The following CHRND variants were observed in gnomAD, a reference collection of about 807,000 sequenced individuals.
CHRND encodes cholinergic receptor nicotinic delta subunit.
CHRND carries 40 observed loss-of-function variants against 57.8 expected under a neutral mutation model. The observed-to-expected ratio is 0.69, with a 90% CI of 0.54 to 0.90. The LOEUF is 0.90. CHRND is among the 40% of genes least tolerant of loss of function. The pLI is 0.00. For synonymous variants in CHRND, 237 were observed against 270.6 expected, an observed-to-expected ratio of 0.88 and a Z score of 1.22; for missense variants, 634 against 673.9, an observed-to-expected ratio of 0.94 and a Z score of 0.66.
chr2:232,528,165 C>A, intron 3 of CHRND, 97 bp from the exon 4 acceptor site: 2 of 1,158,842 alleles, frequency 1.7e-6, no homozygotes, highest in Non-Finnish European at 2.6e-6. Context: ...TTTGTCACAG[C>A]TCTCAGACCC....
rs4973046 is a variant in CHRND at position 232,535,736 on chromosome 2, C to G, written c.*424C>G. On this transcript the variant is annotated 3_prime_UTR_variant, in exon 12 of 12. Coordinates refer to ENST00000258385, the MANE Select transcript of CHRND (RefSeq NM_000751.3). ...TCCAGCCTCCCTCTTCCTACCTACC[C>G]TTCAACCTCAGGCTTCTGAGGCCTC... The G allele has an allele frequency of 6.6e-6, 3 of 457,980 alleles. No homozygotes were observed. The highest frequency in any genetic ancestry group is 8.7e-6 in the Non-Finnish European group (2 of 229,558). 28.4% of individuals were successfully genotyped at this position (457,980 alleles called of 1,614,324 possible). A position where few individuals can be genotyped will look rare whatever the true frequency, so the allele number is the denominator to read the frequency against.
Position 232,535,981 on chromosome 2 carries a change from C to T in CHRND, c.*669C>T. ...AGCACCTCTCCCCAAAGGGTCCCTG[C>T]CCCCCAGCACCTACTCCTCTCCAAA... On this transcript the variant is annotated 3_prime_UTR_variant, in exon 12 of 12. Transcript: ENST00000258385. The T allele has an allele frequency of 4.4e-6, 2 of 454,110 alleles. No homozygotes were observed. Among genetic ancestry groups the T allele is most frequent in the South Asian group, 1.6e-5 (1 of 64,480 alleles). 28.1% of individuals were successfully genotyped at this position (454,110 alleles called of 1,614,324 possible).
rs751557545 is a variant in CHRND at position 232,526,195 on chromosome 2, C to T, written c.-21C>T. 28 of 1,612,222 alleles carry T rather than the reference C, an allele frequency of 1.7e-5. No homozygotes were observed. The highest frequency in any genetic ancestry group is 2.7e-5 in the African/African-American group (2 of 74,862). Reference sequence around the variant, plus strand: ...CCTGTAGACAGGAGGGGCAGATGCACGTCCCAGTCAGAGGGATGGGATGGA... The same window carrying T: ...CCTGTAGACAGGAGGGGCAGATGCATGTCCCAGTCAGAGGGATGGGATGGA... On this transcript the variant is annotated 5_prime_UTR_variant, in exon 1 of 12. It adds an upstream start codon to the 5' untranslated region. Coordinates refer to ENST00000258385, the MANE Select transcript of CHRND (RefSeq NM_000751.3).
Position 232,535,919 on chromosome 2 carries a change from C to A in CHRND, c.*607C>A. On this transcript the variant is annotated 3_prime_UTR_variant, in exon 12 of 12. Transcript: ENST00000258385. ...ACATCCACAAAGACTTGGGGTCAGCCTGAGGTTGCACACACAATCCTAGAG... is the reference window on the plus strand; with the variant it reads ...ACATCCACAAAGACTTGGGGTCAGCATGAGGTTGCACACACAATCCTAGAG... The A allele has an allele frequency of 2.2e-6, 1 of 454,132 alleles. No individual in the cohort carries two copies. Among genetic ancestry groups the A allele is most frequent in the South Asian group, 1.6e-5 (1 of 64,484 alleles). The allele number at this position is 454,132 out of a possible 1,614,324, so 28.1% of individuals were successfully genotyped here.
At position 232,531,586 on chromosome 2, in the gene CHRND, T is replaced by G; in HGVS notation, c.977T>G (p.Ile326Ser). The G allele has an allele frequency of 2.5e-6, 4 of 1,614,044 alleles. No homozygotes were observed. The highest frequency in any genetic ancestry group is 3.4e-6 in the Non-Finnish European group (4 of 1,180,028). ...GTGCTGGTCACCATGGTTGTGGTGA[T>G]CTGTGTCATCGTGCTCAACATCCAC... Reference protein sequence around the residue: ...GMVLVTMVVVICVIVLNIHFR... With the variant: ...GMVLVTMVVVSCVIVLNIHFR... Residue 326 changes from isoleucine (I) to serine (S), a missense_variant, in exon 9 of 12, where the codon ATC becomes AGC. Physicochemically the swap from Ile to Ser is moderately radical, Grantham distance 142. Transcript: ENST00000258385.
rs2106211583 is a variant in CHRND at position 232,531,563 on chromosome 2, G to C, written c.954G>C (p.Val318=). Residue 318 remains valine, a synonymous_variant, in exon 9 of 12, where the codon GTG becomes GTC. Transcript: ENST00000258385. ...LIGKFLLFGM[V]LVTMVVVICV... ...ACAGGTTCCTGCTCTTCGGCATGGT[G>C]CTGGTCACCATGGTTGTGGTGATCT... 6.2e-7 allele frequency: 1 copy of C among 1,614,138 alleles called. No homozygotes were observed. Among genetic ancestry groups the C allele is most frequent in the Non-Finnish European group, 8.5e-7 (1 of 1,180,042 alleles).
Position 232,526,261 on chromosome 2 carries a change from G to T in CHRND, c.46G>T (p.Val16Leu). The change falls in exon 1 of 12, where the codon GTG (valine) becomes TTG (leucine). Residue 16 changes from valine (V) to leucine (L), a missense_variant. Physicochemically the swap from Val to Leu is conservative, Grantham distance 32. Transcript: ENST00000258385. ...ACTGGGGCTGCTGGCTGCCCTGGCGGTGTGTGGTAAGGGAAGACACCCTCC... is the reference window on the plus strand; with the variant it reads ...ACTGGGGCTGCTGGCTGCCCTGGCGTTGTGTGGTAAGGGAAGACACCCTCC... Reference protein sequence around the residue: ...LTLGLLAALAVCGSWGLNEEE... With the variant: ...LTLGLLAALALCGSWGLNEEE... 1.2e-6 allele frequency: 2 copies of T among 1,612,892 alleles called. No individual in the cohort carries two copies. The highest frequency in any genetic ancestry group is 1.7e-6 in the Non-Finnish European group (2 of 1,179,732).
chr2:232,533,803 A>G (rs1240519490), intron 9 of CHRND, 128 bp from the exon 10 acceptor site: 3 of 931,392 alleles, frequency 3.2e-6, no homozygotes, highest in Non-Finnish European at 5.2e-6. Flanking sequence ...CTTGAACCCG[A>G]GAGGTGGAGG....
chr2:232,528,754 C>A, intron 5 of CHRND, 98 bp downstream of exon 5: 2 of 1,593,448 alleles, frequency 1.3e-6, no homozygotes, highest in South Asian at 1.1e-5. Flanking sequence ...CCTGCCCTGT[C>A]TGGATTAGTG....
chr2:232,527,772 C>T (rs1214413698), intron 3 of CHRND, among the ~76,000 whole-genome samples: 2 of 152,156 alleles, frequency 1.3e-5, no homozygotes, highest in African/African-American at 4.8e-5. Flanking sequence ...CGCCCAGAGC[C>T]GGTGGGGTCG....
chr2:232,536,555 T>C lies in CHRND; in HGVS notation c.*1243T>C, dbSNP rs950793852. ...TGAGATCACAGCCCAGTAGACATCT[T>C]ATGTGCAGCCCCATGAAAGTCCCTA... On this transcript the variant is annotated 3_prime_UTR_variant, in exon 12 of 12. Transcript: ENST00000258385. 6.9e-6 allele frequency: 3 copies of C among 432,526 alleles called. No homozygotes were observed. The highest frequency in any genetic ancestry group is 9.4e-6 in the Non-Finnish European group (2 of 213,852). The allele number at this position is 432,526 out of a possible 1,614,324, so 26.8% of individuals were successfully genotyped here. A position where few individuals can be genotyped will look rare whatever the true frequency, so the allele number is the denominator to read the frequency against.
chr2:232,534,280 C>A lies in CHRND; in HGVS notation c.1309C>A (p.Pro437Thr). 6 of 1,614,172 alleles carry A rather than the reference C, an allele frequency of 3.7e-6. No homozygotes were observed. Among genetic ancestry groups the A allele is most frequent in the Non-Finnish European group, 5.1e-6 (6 of 1,180,030 alleles). ...AQQELFNELK[P>T]AVDGANFIVN... ...GCAGGAACTCTTCAATGAGCTGAAG[C>A]CAGCTGTGGATGGGGCAAACTTCAT... The change falls in exon 11 of 12, where the codon CCA (proline) becomes ACA (threonine). Residue 437 changes from proline to threonine, a missense_variant. By Grantham distance (38) the Pro-to-Thr change is conservative (BLOSUM62 -1). Coordinates refer to ENST00000258385, the MANE Select transcript of CHRND (RefSeq NM_000751.3).
At chr2:232,527,337 GGT>G in intron 2 of CHRND, 62 bp from the exon 3 acceptor site, 1 of 1,248,196 alleles carries the variant, frequency 8.0e-7, no homozygotes, top group Non-Finnish European at 1.2e-6. Flanking sequence ...AGAGAGAGTG[GGT>G]GAATGTGTGC....
chr2:232,526,742 T>A, intron 2 of CHRND, 68 bp downstream of exon 2: 1 of 1,557,558 alleles, frequency 6.4e-7, no homozygotes. Context: ...AGGATAGCCA[T>A]GGAGGAAGCT....
At chr2:232,532,765 C>T (rs1691752386) in intron 9 of CHRND, among the ~76,000 whole-genome samples, 1 of 152,198 alleles carries the variant, frequency 6.6e-6, no homozygotes, top group South Asian at 2.1e-4. Flanking sequence ...TGGGAGGGTA[C>T]TGAGTGGGGG....
intron 11 of CHRND, 85 bp from the exon 12 acceptor site, chr2:232,535,045 G>T: frequency 6.5e-7 from 1 of 1,536,630 alleles, no homozygotes; most frequent in South Asian, 1.1e-5. Flanking sequence ...GCCGCCCTCT[G>T]CCTCCATGGC....
chr2:232,526,170 C>T lies in CHRND; in HGVS notation c.-46C>T. ...CTCCCGCCCACCCTCATTCCACAGC[C>T]CTGTAGACAGGAGGGGCAGATGCAC... On this transcript the variant is annotated 5_prime_UTR_variant, in exon 1 of 12. Transcript: ENST00000258385. 6.3e-7 allele frequency: 1 copy of T among 1,587,740 alleles called. No homozygotes were observed. Among genetic ancestry groups the T allele is most frequent in the Non-Finnish European group, 8.6e-7 (1 of 1,156,426 alleles).
rs760901892 is a variant in CHRND at position 232,535,399 on chromosome 2, C to T, written c.*87C>T. The T allele has an allele frequency of 6.6e-6, 10 of 1,511,796 alleles. No individual in the cohort carries two copies. Among genetic ancestry groups the T allele is most frequent in the Admixed American group, 5.1e-5 (3 of 58,992 alleles). 93.6% of individuals were successfully genotyped at this position (1,511,796 alleles called of 1,614,324 possible). A position where few individuals can be genotyped will look rare whatever the true frequency, so the allele number is the denominator to read the frequency against. ...GACACCCACTCCTAGCCCTGAGGCT[C>T]GTGCCCCTCAGACTGGGGAAGAGTC... On this transcript the variant is annotated 3_prime_UTR_variant, in exon 12 of 12. Transcript: ENST00000258385.
chr2:232,531,488 C>CA (rs1691696150), intron 8 of CHRND, 25 bp downstream of exon 8: 1 of 1,613,474 alleles, frequency 6.2e-7, no homozygotes, highest in Non-Finnish European at 8.5e-7. Flanking sequence ...AGCCCGGCCT[C>CA]ACCCTGCTTG....
Sources: allele counts gnomAD v4.1 joint callset (sites outside exome capture counted in the v4.1 genomes callset), GRCh38; gene constraint gnomAD v4.1.1; transcripts MANE v1.5; gene names NCBI Gene and HGNC (gene_info 2026-07-23, HGNC 2026-07-21).